Variants in DPH6 observed in about 807,000 individuals in gnomAD.
DPH6 encodes diphthamine biosynthesis 6.
Under a neutral mutation model 38.2 loss-of-function variants are expected in DPH6, and 33 were observed. The observed-to-expected ratio is 0.86, with a 90% CI of 0.65 to 1.15. DPH6 has a LOEUF of 1.15. DPH6 is among the 50% of genes most tolerant of loss of function. The pLI, the probability that DPH6 is intolerant of heterozygous loss-of-function variation, is 0.00. For synonymous variants in DPH6, 108 were observed against 103.0 expected, an observed-to-expected ratio of 1.05 and a Z score of -0.30; for missense variants, 325 against 320.0, an observed-to-expected ratio of 1.02 and a Z score of -0.12.
chr15:35,210,302 G>C, the DPH6 span, among the ~76,000 whole-genome samples: 1 of 152,108 alleles, frequency 6.6e-6, no homozygotes, highest in African/African-American at 2.4e-5. Context: ...GGTTATTCTG[G>C]GGATTAGATG....
chr15:35,460,946 C>T (rs1166644243), intron 3 of DPH6, among the ~76,000 whole-genome samples: 1 of 148,946 alleles, frequency 6.7e-6, no homozygotes, highest in African/African-American at 2.5e-5. Context: ...ACTATTTCCA[C>T]ACCTATCTGT....
At chr15:35,364,577 A>T (rs2052641075) in intron 3 of DPH6, among the ~76,000 whole-genome samples, 1 of 152,134 alleles carries the variant, frequency 6.6e-6, no homozygotes, top group East Asian at 1.9e-4. Flanking sequence ...ACAGAATTCT[A>T]GGATGGCATT....
intron 3 of DPH6, among the ~76,000 whole-genome samples, chr15:35,337,454 C>A (rs2052382683): frequency 6.6e-6 from 1 of 152,066 alleles, no homozygotes; most frequent in Non-Finnish European, 1.5e-5. Flanking sequence ...GAATAAAATA[C>A]CTAGGAATCC....
In DPH6 at chr15:35,267,507, C is replaced by T. The variant is rs150936827; in HGVS notation, n.201-46925G>A. Among the ~76,000 whole-genome samples the T allele has an allele frequency of 1.3e-3, 203 of 152,318 alleles. 1 individual carries two copies. The highest frequency in any genetic ancestry group is 4.8e-3 in the African/African-American group (198 of 41,570). ...GCCTGTCTCTTGGTCTCTCTATCTT[C>T]CCCAATCCTAAGAGCTCTTAGCTTC... is the stretch of plus-strand genomic sequence containing the variant. On this transcript the variant is annotated intron_variant and non_coding_transcript_variant, in intron 3 of 3. Transcript: ENST00000560386.
At chr15:35,383,968 T>C (rs2052906950) in intron 6 of DPH6, among the ~76,000 whole-genome samples, 1 of 152,214 alleles carries the variant, frequency 6.6e-6, no homozygotes, top group African/African-American at 2.4e-5. Context: ...ATGTGATAGG[T>C]CAGTTTAGGT....
At chr15:35,436,494 C>CAAAAAAAAAAAAA (rs375381054) in intron 5 of DPH6, among the ~76,000 whole-genome samples, 1 of 9,138 alleles carries the variant, frequency 1.1e-4, no homozygotes, top group African/African-American at 2.4e-4. Context: ...CAAAACAAAA[C>CAAAAAAAAAAAAA]AAAACAAAAC....
intron 7 of DPH6, among the ~76,000 whole-genome samples, chr15:35,380,114 T>C (rs1021915065): frequency 6.6e-5 from 10 of 152,236 alleles, no homozygotes; most frequent in Admixed American, 5.9e-4. Flanking sequence ...GGTACATACC[T>C]GCGTGGTAGC....
intron 3 of DPH6, among the ~76,000 whole-genome samples, chr15:35,261,713 G>A (rs1200536078): frequency 6.6e-6 from 1 of 151,908 alleles, no homozygotes; most frequent in Non-Finnish European, 1.5e-5. Flanking sequence ...TATGCTTGTA[G>A]TCTCAGCTAC....
intron 3 of DPH6, among the ~76,000 whole-genome samples, chr15:35,282,417 G>A (rs893248026): frequency 9.9e-5 from 15 of 152,238 alleles, no homozygotes; most frequent in Admixed American, 6.5e-4. Context: ...GGCCTCAAGC[G>A]ATCCTCCCAC....
intron 3 of DPH6, among the ~76,000 whole-genome samples, chr15:35,530,720 T>G (rs2055074074): frequency 6.6e-6 from 1 of 152,204 alleles, no homozygotes; most frequent in African/African-American, 2.4e-5. Context: ...GTGATAAGTT[T>G]AGGAACTATA....
At chr15:35,348,045 A>G (rs1325438131) in intron 3 of DPH6, among the ~76,000 whole-genome samples, 1 of 152,148 alleles carries the variant, frequency 6.6e-6, no homozygotes, top group African/African-American at 2.4e-5. Flanking sequence ...ATTCTGGAAT[A>G]TTAACCCCTT....
At chr15:35,324,648 T>C (rs377003273) in intron 3 of DPH6, among the ~76,000 whole-genome samples, 34 of 152,260 alleles carry the variant, frequency 2.2e-4, no homozygotes, top group African/African-American at 7.9e-4. Flanking sequence ...CAGATAGCAG[T>C]AATCAGGAAT....
At chr15:35,377,456 C>T (rs1595510876) in intron 7 of DPH6, among the ~76,000 whole-genome samples, 1 of 152,028 alleles carries the variant, frequency 6.6e-6, no homozygotes, top group Non-Finnish European at 1.5e-5. Context: ...AAAATGTATA[C>T]ATGAAGAGAG....
At position 35,450,693 on chromosome 15, in the gene DPH6, G is replaced by A; in HGVS notation, c.497C>T (p.Ala166Val). The part of the protein sequence containing the change: ...SNIQAMIIKV[A>V]ALGLDPDKHL... ...ATAGTTTGGCTGCATACCCAAAGCTGCTACTTTGATGATCATTGCTTGAAT... is the reference window on the plus strand; with the variant it reads ...ATAGTTTGGCTGCATACCCAAAGCTACTACTTTGATGATCATTGCTTGAAT... The change falls in exon 5 of 9, where the codon GCA (alanine) becomes GTA (valine). Residue 166 changes from alanine (A) to valine (V), a missense_variant. Transcript: ENST00000256538. 1 of 1,612,456 alleles carries A rather than the reference G, an allele frequency of 6.2e-7. No individual in the cohort carries two copies. The highest frequency in any genetic ancestry group is 2.2e-5 in the East Asian group (1 of 44,706).
chr15:35,419,399 A>G (rs1371537122), intron 5 of DPH6, among the ~76,000 whole-genome samples: 1 of 152,120 alleles, frequency 6.6e-6, no homozygotes, highest in East Asian at 1.9e-4. Context: ...AGTTAGACTT[A>G]AATGCTTACA....
intron 3 of DPH6, among the ~76,000 whole-genome samples, chr15:35,253,374 G>A (rs997564781): frequency 3.9e-5 from 6 of 152,230 alleles, no homozygotes; most frequent in Non-Finnish European, 7.4e-5. Flanking sequence ...TTATATTCTG[G>A]TGCACAGGAA....
chr15:35,203,589 A>G, the DPH6 span, among the ~76,000 whole-genome samples: 5 of 151,718 alleles, frequency 3.3e-5, no homozygotes, highest in Non-Finnish European at 7.4e-5. Context: ...ATTCAAAACA[A>G]TATATAGCTA....
In DPH6 at chr15:35,538,364, T is replaced by C. The variant is rs1282670869; in HGVS notation, c.222A>G (p.Ile74Met). 6.2e-7 allele frequency: 1 copy of C among 1,611,860 alleles called. No individual in the cohort carries two copies. Among genetic ancestry groups the C allele is most frequent in the Non-Finnish European group, 8.5e-7 (1 of 1,178,406 alleles). Residue 74 changes from isoleucine (I) to methionine (M), a missense_variant, in exon 3 of 9, where the codon ATA becomes ATG. By Grantham distance (10) the Ile-to-Met change is conservative (BLOSUM62 1). Coordinates refer to ENST00000256538, the MANE Select transcript of DPH6 (RefSeq NM_080650.4). ...GTCTTGTATCCAAGCTCCTTCCTCT[T>C]ATGGTTCGGCGATAGAGGGGAAGAG... ...AMALPLYRRTIRGRSLDTRQV... is the reference protein window; with the variant it reads ...AMALPLYRRTMRGRSLDTRQV...
the DPH6 span, among the ~76,000 whole-genome samples, chr15:35,206,933 C>T: frequency 1.3e-5 from 2 of 149,418 alleles, no homozygotes; most frequent in African/African-American, 4.9e-5. Context: ...GGTATAACAA[C>T]TCATAAAACC....
Sources: allele counts gnomAD v4.1 joint callset (sites outside exome capture counted in the v4.1 genomes callset), GRCh38; gene constraint gnomAD v4.1.1; transcripts MANE v1.5; gene names NCBI Gene and HGNC (gene_info 2026-07-23, HGNC 2026-07-21).